Variants in SLC24A2 observed in about 807,000 individuals in gnomAD.
The protein encoded by SLC24A2 is solute carrier family 24 member 2.
SLC24A2 carries 36 observed loss-of-function variants against 62.0 expected under a neutral mutation model. The ratio of observed to expected loss-of-function variants is 0.58; its 90% confidence interval spans 0.44 to 0.77. The LOEUF is 0.77. Ranked by LOEUF, SLC24A2 falls within the 30% of genes least tolerant of loss-of-function variation. The probability of loss-of-function intolerance (pLI) is 0.00; values close to 1 mark genes in which losing one functional copy is unlikely to be tolerated. For synonymous variants in SLC24A2, 358 were observed against 294.0 expected (o/e 1.22, Z -2.23); for missense variants, 846 against 817.9 (o/e 1.03, Z -0.42).
At chr9:19,890,758 G>A in the SLC24A2 span, among the ~76,000 whole-genome samples, 10 of 151,928 alleles carry the variant, frequency 6.6e-5, no homozygotes, top group Non-Finnish European at 1.2e-4. Flanking sequence ...CAATCCTCCC[G>A]CCTCAGCCTC....
At chr9:20,173,013 C>A in the SLC24A2 span, among the ~76,000 whole-genome samples, 2 of 152,068 alleles carry the variant, frequency 1.3e-5, no homozygotes, top group African/African-American at 4.8e-5. Flanking sequence ...ACCAGGGTTG[C>A]AGAGATGGTT....
At chr9:20,020,579 G>A in the SLC24A2 span, among the ~76,000 whole-genome samples, 1 of 152,156 alleles carries the variant, frequency 6.6e-6, no homozygotes, top group African/African-American at 2.4e-5. Flanking sequence ...CAGCAGGTGG[G>A]GGGCTAGGGG....
At chr9:20,299,675 C>T in the SLC24A2 span, among the ~76,000 whole-genome samples, 1 of 152,342 alleles carries the variant, frequency 6.6e-6, no homozygotes, top group Non-Finnish European at 1.5e-5. Context: ...CTTACCCCCA[C>T]TACTAGGACC....
intron 2 of SLC24A2, among the ~76,000 whole-genome samples, chr9:19,785,127 C>T (rs1452098783): frequency 1.3e-5 from 2 of 152,088 alleles, no homozygotes; most frequent in Non-Finnish European, 2.9e-5. Flanking sequence ...TGTATTGATG[C>T]CATTTGTCCA....
In SLC24A2 at chr9:19,510,819, G is replaced by A. The variant is rs1381162564; in HGVS notation, c.*5334C>T. ...TTCGTACGCTAATTTGAAAACAGTT[G>A]CCTAGCCTGTCGTAATTGCAGGGTC... On this transcript the variant is annotated 3_prime_UTR_variant, in exon 11 of 11. Transcript: ENST00000341998. 1 of 152,228 alleles carries A rather than the reference G, an allele frequency of 6.6e-6. No homozygotes were observed. The highest frequency in any genetic ancestry group is 1.5e-5 in the Non-Finnish European group (1 of 68,066). 9.4% of individuals were successfully genotyped at this position (152,228 alleles called of 1,614,324 possible). A position where few individuals can be genotyped will look rare whatever the true frequency, so the allele number is the denominator to read the frequency against.
At chr9:20,189,046 C>G in the SLC24A2 span, among the ~76,000 whole-genome samples, 3 of 150,820 alleles carry the variant, frequency 2.0e-5, no homozygotes, top group Non-Finnish European at 4.4e-5. Context: ...TCTAGACTGC[C>G]AGAAATTAGG....
At chr9:19,787,704 CTAGACA>C (rs1823216802) in intron 1 of SLC24A2, among the ~76,000 whole-genome samples, 1 of 61,042 alleles carries the variant, frequency 1.6e-5, no homozygotes, top group Admixed American at 2.2e-4. Flanking sequence ...CCCTAAACAT[CTAGACA>C]TTGTTTTCAG....
At chr9:20,094,728 A>G in the SLC24A2 span, among the ~76,000 whole-genome samples, 3 of 152,182 alleles carry the variant, frequency 2.0e-5, no homozygotes, top group South Asian at 2.1e-4. Flanking sequence ...AAAAATTTGT[A>G]TAACTAAATG....
At chr9:20,298,457 G>A in the SLC24A2 span, among the ~76,000 whole-genome samples, 3 of 152,312 alleles carry the variant, frequency 2.0e-5, no homozygotes, top group South Asian at 4.1e-4. Context: ...TTGAACTCCT[G>A]ACCTCAGGTG....
In SLC24A2 at chr9:19,513,167, T is replaced by TATATATATAC. The variant is rs1832786952; in HGVS notation, c.*2985_*2986insGTATATATAT. 1.7e-5 allele frequency: 1 copy of TATATATATAC among 59,878 alleles called. No individual in the cohort carries two copies. Among genetic ancestry groups the TATATATATAC allele is most frequent in the Admixed American group, 1.7e-4 (1 of 6,052 alleles). The allele number at this position is 59,878 out of a possible 1,614,324, so 3.7% of individuals were successfully genotyped here. A position where few individuals can be genotyped will look rare whatever the true frequency, so the allele number is the denominator to read the frequency against. On this transcript the variant is annotated 3_prime_UTR_variant, in exon 11 of 11. Transcript: ENST00000341998. Reference sequence around the variant, plus strand: ...TCTGGTATAAAGATATATATATATATATATATATGTATATATATATATATG... The same window carrying TATATATATAC: ...TCTGGTATAAAGATATATATATATATATATATATACATATATATGTATATATATATATATG...
chr9:19,894,021 T>C, the SLC24A2 span, among the ~76,000 whole-genome samples: 1 of 152,194 alleles, frequency 6.6e-6, no homozygotes, highest in South Asian at 2.1e-4. Flanking sequence ...CCGAGCTATA[T>C]CTCAAAGACT....
chr9:19,929,667 C>G, the SLC24A2 span: 1 of 152,126 alleles, frequency 6.6e-6, no homozygotes, highest in African/African-American at 2.4e-5. Flanking sequence ...TTAGGGTGTA[C>G]TCCTATTTAT....
chr9:19,517,496 C>T (rs560454067), intron 10 of SLC24A2, among the ~76,000 whole-genome samples: 16 of 152,286 alleles, frequency 1.1e-4, no homozygotes, highest in African/African-American at 2.2e-4. Context: ...GCTGGAGAGA[C>T]GGCATTGGAA....
the SLC24A2 span, among the ~76,000 whole-genome samples, chr9:20,062,654 A>C: frequency 1.4e-5 from 2 of 138,042 alleles, no homozygotes; most frequent in African/African-American, 5.6e-5. Flanking sequence ...ATCTCATTAA[A>C]CTAAAGAGCT....
At chr9:20,185,905 T>C in the SLC24A2 span, among the ~76,000 whole-genome samples, 1 of 152,198 alleles carries the variant, frequency 6.6e-6, no homozygotes, top group Non-Finnish European at 1.5e-5. Context: ...TTATCTGAGA[T>C]GTACTGAACT....
chr9:20,248,157 A>G, the SLC24A2 span, among the ~76,000 whole-genome samples: 1 of 152,186 alleles, frequency 6.6e-6, no homozygotes, highest in African/African-American at 2.4e-5. Flanking sequence ...GGAATGGATT[A>G]TTCCAAACAG....
the SLC24A2 span, among the ~76,000 whole-genome samples, chr9:20,159,269 C>A: frequency 6.6e-6 from 1 of 151,566 alleles, no homozygotes; most frequent in African/African-American, 2.4e-5. Flanking sequence ...CATTAACGCC[C>A]CTCTTAGGAG....
the SLC24A2 span, among the ~76,000 whole-genome samples, chr9:20,009,861 C>T: frequency 1.3e-5 from 2 of 152,298 alleles, no homozygotes; most frequent in East Asian, 3.9e-4. Flanking sequence ...CAAGCCCATA[C>T]CCACACATAT....
intron 2 of SLC24A2, among the ~76,000 whole-genome samples, chr9:19,722,323 C>T (rs572872326): frequency 6.6e-6 from 1 of 152,192 alleles, no homozygotes; most frequent in East Asian, 1.9e-4. Context: ...TATAACTCTT[C>T]ATAGCTGTTA....
Sources: allele counts gnomAD v4.1 joint callset (sites outside exome capture counted in the v4.1 genomes callset), GRCh38; gene constraint gnomAD v4.1.1; transcripts MANE v1.5; gene names NCBI Gene and HGNC (gene_info 2026-07-23, HGNC 2026-07-21).